Variants in IMMP2L observed in about 807,000 individuals in gnomAD.
IMMP2L encodes the protein mitochondrial inner membrane protease subunit 2.
A neutral mutation model predicts 19.3 loss-of-function variants in IMMP2L; 18 were observed. The ratio of observed to expected loss-of-function variants is 0.93; its 90% CI spans 0.64 to 1.38. The LOEUF (loss-of-function observed/expected upper bound fraction) is 1.38. Ranked by LOEUF, IMMP2L falls within the 40% of genes most tolerant of loss-of-function variation. IMMP2L has a pLI of 0.00. For synonymous variants in IMMP2L, 76 were observed against 73.0 expected, an observed-to-expected ratio of 1.04 and a Z score of -0.21; for missense variants, 233 against 218.2, an observed-to-expected ratio of 1.07 and a Z score of -0.43.
chr7:110,945,237 A>T (rs1448962152), intron 4 of IMMP2L, among the ~76,000 whole-genome samples: 1 of 152,004 alleles, frequency 6.6e-6, no homozygotes, highest in African/African-American at 2.4e-5. Context: ...TAATGAGATT[A>T]ACATTTTTTA....
At chr7:111,457,928 ACTT>A (rs1181144562) in intron 3 of IMMP2L, among the ~76,000 whole-genome samples, 15 of 147,820 alleles carry the variant, frequency 1.0e-4, no homozygotes, top group African/African-American at 3.8e-4. Flanking sequence ...ATTTTTGACT[ACTT>A]CTTAGTATAA....
At chr7:110,787,129 T>C (rs1327054579) in intron 5 of IMMP2L, among the ~76,000 whole-genome samples, 2 of 152,036 alleles carry the variant, frequency 1.3e-5, no homozygotes, top group Non-Finnish European at 2.9e-5. Context: ...TCATTTGTCA[T>C]AGTTACCATG....
At chr7:110,953,606 G>A (rs1198684212) in intron 4 of IMMP2L, among the ~76,000 whole-genome samples, 1 of 151,982 alleles carries the variant, frequency 6.6e-6, no homozygotes, top group East Asian at 1.9e-4. Flanking sequence ...CTTTGCTATT[G>A]TAAATAGTGC....
chr7:110,705,982 G>T lies in IMMP2L; in HGVS notation c.409-42261C>A, dbSNP rs576572320. ...TGCATCATTGATGGGCACCTAGGTT[G>T]ATTCCTTCTCTTTGCTATTGTGAAT... is the stretch of plus-strand genomic sequence containing the variant. On this transcript the variant is annotated intron_variant, in intron 5 of 5. Transcript: ENST00000405709. 3.9e-4 allele frequency among the ~76,000 whole-genome samples: 60 copies of T among 152,232 alleles called. 2 individuals carry two copies. In the South Asian group the frequency reaches 9.7e-3, roughly 25 times the overall value.
intron 5 of IMMP2L, among the ~76,000 whole-genome samples, chr7:110,822,729 G>T (rs1262410565): frequency 2.0e-5 from 3 of 152,080 alleles, no homozygotes; most frequent in African/African-American, 7.2e-5. Flanking sequence ...AACTTAGAAA[G>T]GTTAGAAGTC....
rs148626047 is a variant in IMMP2L at position 110,926,949 on chromosome 7, C to T, written c.305+36551G>A. Among the ~76,000 whole-genome samples the T allele has an allele frequency of 3.9e-3, 588 of 152,228 alleles. 4 individuals carry two copies. The highest frequency in any genetic ancestry group is 6.1e-3 in the Admixed American group (93 of 15,258). ...CAGTTTTAAAACATGTCTGCAAGTTCTTTGACCCTCTTTCAATATAATTCC... is the reference window on the plus strand; with the variant it reads ...CAGTTTTAAAACATGTCTGCAAGTTTTTTGACCCTCTTTCAATATAATTCC... On this transcript the variant is annotated intron_variant, in intron 4 of 5. Coordinates refer to ENST00000405709, the MANE Select transcript of IMMP2L (RefSeq NM_032549.4).
intron 3 of IMMP2L, among the ~76,000 whole-genome samples, chr7:111,249,785 A>T (rs575106188): frequency 6.6e-6 from 1 of 152,296 alleles, no homozygotes; most frequent in South Asian, 2.1e-4. Context: ...GCCATATATG[A>T]TAAATCCACA....
At chr7:111,385,892 T>A (rs12532143) in intron 3 of IMMP2L, among the ~76,000 whole-genome samples, 4 of 151,778 alleles carry the variant, frequency 2.6e-5, no homozygotes, top group Non-Finnish European at 5.9e-5. Flanking sequence ...GGTGAAGGAA[T>A]AAACTCAACC....
chr7:111,039,511 T>TA (rs772519643), intron 3 of IMMP2L, among the ~76,000 whole-genome samples: 27 of 151,976 alleles, frequency 1.8e-4, no homozygotes, highest in Non-Finnish European at 2.5e-4. Context: ...ACCTGGAAAA[T>TA]AAAAAACTAA....
intron 1 of IMMP2L, among the ~76,000 whole-genome samples, chr7:111,545,153 T>A (rs10227394): frequency 0.011 from 1,710 of 152,104 alleles, 31 homozygotes; most frequent in African/African-American, 0.033. Flanking sequence ...TAATTTTTTT[T>A]AAAAAAGAGA....
chr7:110,855,239 G>A (rs962163509), intron 5 of IMMP2L, among the ~76,000 whole-genome samples: 1 of 151,948 alleles, frequency 6.6e-6, no homozygotes, highest in Non-Finnish European at 1.5e-5. Flanking sequence ...ACAATTAATG[G>A]ATAATCAAAG....
intron 5 of IMMP2L, among the ~76,000 whole-genome samples, chr7:110,775,430 A>G (rs1799320354): frequency 6.6e-6 from 1 of 152,040 alleles, no homozygotes; most frequent in African/African-American, 2.4e-5. Flanking sequence ...CTTGATAACA[A>G]TTGGAAACCT....
chr7:111,005,803 C>T (rs1195579030), intron 3 of IMMP2L, among the ~76,000 whole-genome samples: 1 of 152,128 alleles, frequency 6.6e-6, no homozygotes, highest in East Asian at 1.9e-4. Flanking sequence ...AGAGGATCTT[C>T]TGTTCTAAAT....
intron 3 of IMMP2L, among the ~76,000 whole-genome samples, chr7:111,304,541 GTA>G (rs1392946969): frequency 6.6e-6 from 1 of 151,720 alleles, no homozygotes; most frequent in African/African-American, 2.4e-5. Context: ...TATAACGTGT[GTA>G]TATATATGTG....
chr7:111,329,607 G>A (rs975426977), intron 3 of IMMP2L, among the ~76,000 whole-genome samples: 2 of 151,870 alleles, frequency 1.3e-5, no homozygotes, highest in Admixed American at 1.3e-4. Context: ...ACTTGAAAAC[G>A]CACATGGGAC....
intron 5 of IMMP2L, among the ~76,000 whole-genome samples, chr7:110,676,206 C>T (rs1792285476): frequency 6.6e-6 from 1 of 152,208 alleles, no homozygotes. Context: ...ATCTCTATAG[C>T]AAGGGTCAGC....
chr7:111,510,332 G>A (rs991294528), intron 2 of IMMP2L, among the ~76,000 whole-genome samples: 6 of 151,816 alleles, frequency 4.0e-5, no homozygotes, highest in African/African-American at 1.5e-4. Flanking sequence ...CATCCCCTGC[G>A]GCATCGTGTC....
At chr7:111,491,054 C>T (rs1843056578) in intron 2 of IMMP2L, among the ~76,000 whole-genome samples, 1 of 152,068 alleles carries the variant, frequency 6.6e-6, no homozygotes, top group African/African-American at 2.4e-5. Context: ...TTCTCCTCCT[C>T]CTCCTTAGCC....
intron 3 of IMMP2L, among the ~76,000 whole-genome samples, chr7:111,445,724 CAGCTCCGGTCT>C (rs1226089682): frequency 6.6e-6 from 1 of 152,144 alleles, no homozygotes; most frequent in Non-Finnish European, 1.5e-5. Flanking sequence ...CGAATAGGAA[CAGCTCCGGTCT>C]ACAGCTCCCA....
Sources: allele counts gnomAD v4.1 joint callset (sites outside exome capture counted in the v4.1 genomes callset), GRCh38; gene constraint gnomAD v4.1.1; transcripts MANE v1.5; gene names NCBI Gene and HGNC (gene_info 2026-07-23, HGNC 2026-07-21).